CARMIL1: variants seen among roughly 807,000 people sequenced by gnomAD.
CARMIL1 encodes F-actin-uncapping protein LRRC16A.
In CARMIL1, 90 loss-of-function variants were observed where a neutral mutation model predicts 177.1. The ratio of observed to expected loss-of-function variants is 0.51; its 90% CI spans 0.43 to 0.61. The LOEUF (loss-of-function observed/expected upper bound fraction) is 0.61. Among genes scored for constraint, CARMIL1 ranks in the 20% least tolerant of loss-of-function variants. CARMIL1 has a pLI of 0.00. For synonymous variants in CARMIL1, 577 were observed against 606.2 expected (o/e 0.95, Z 0.71); for missense variants, 1,380 against 1,667.0 (o/e 0.83, Z 3.00).
intron 29 of CARMIL1, among the ~76,000 whole-genome samples, chr6:25,559,046 TTGA>T (rs1349647013): frequency 2.0e-5 from 3 of 152,154 alleles, no homozygotes; most frequent in African/African-American, 7.2e-5. Context: ...TTTTATACTA[TTGA>T]TAATAATTTC....
At chr6:25,425,622 C>T (rs574736658) in intron 3 of CARMIL1, among the ~76,000 whole-genome samples, 106 of 151,888 alleles carry the variant, frequency 7.0e-4, no homozygotes, top group African/African-American at 2.5e-3. Flanking sequence ...GGGGAAAATC[C>T]GGGAAGAAAG....
chr6:25,560,636 A>G (rs1283302644), intron 29 of CARMIL1, among the ~76,000 whole-genome samples: 1 of 152,178 alleles, frequency 6.6e-6, no homozygotes, highest in African/African-American at 2.4e-5. Context: ...TAAGTAACCC[A>G]AGGTTAACCA....
At chr6:25,356,420 C>A (rs1581670591) in intron 2 of CARMIL1, among the ~76,000 whole-genome samples, 4 of 152,262 alleles carry the variant, frequency 2.6e-5, no homozygotes, top group Admixed American at 2.6e-4. Flanking sequence ...ACAGTCCTTA[C>A]CATTTCATTA....
At chr6:25,440,316 C>G (rs1206760222) in intron 5 of CARMIL1, among the ~76,000 whole-genome samples, 3 of 152,144 alleles carry the variant, frequency 2.0e-5, no homozygotes, top group African/African-American at 4.8e-5. Flanking sequence ...GGAGAAAATT[C>G]AGAGGAGAGA....
intron 29 of CARMIL1, among the ~76,000 whole-genome samples, chr6:25,560,885 T>C (rs1194665072): frequency 6.6e-6 from 1 of 152,222 alleles, no homozygotes; most frequent in East Asian, 1.9e-4. Flanking sequence ...TTTTTAAACA[T>C]TGTTGGAAAC....
chr6:25,328,660 G>T (rs1052093231), intron 2 of CARMIL1, among the ~76,000 whole-genome samples: 1 of 152,066 alleles, frequency 6.6e-6, no homozygotes, highest in Non-Finnish European at 1.5e-5. Flanking sequence ...TTCTCTTCCA[G>T]AGTTATCTTC....
At position 25,619,741 on chromosome 6, in the gene CARMIL1, T is replaced by C. The variant is rs1759589972; in HGVS notation, c.*158T>C. On this transcript the variant is annotated 3_prime_UTR_variant, in exon 37 of 37. Transcript: ENST00000329474. ...CCACCCCCATCCCCTGCCTTTTTTT[T>C]TTTTTTTTTTTTTTTTTTTTGTATA... 3.2e-6 allele frequency: 1 copy of C among 314,480 alleles called. No homozygotes were observed. Among genetic ancestry groups the C allele is most frequent in the Non-Finnish European group, 5.3e-6 (1 of 189,456 alleles). 19.5% of individuals were successfully genotyped at this position (314,480 alleles called of 1,614,324 possible).
chr6:25,506,913 G>A (rs1804969148), intron 17 of CARMIL1, among the ~76,000 whole-genome samples: 1 of 152,084 alleles, frequency 6.6e-6, no homozygotes, highest in Non-Finnish European at 1.5e-5. Context: ...CCCCATTATG[G>A]ATATTTGAGT....
Position 25,426,484 on chromosome 6 carries a change from T to C in CARMIL1, c.190-17T>C, listed in dbSNP as rs1796289461. On this transcript the variant is annotated splice_polypyrimidine_tract_variant and intron_variant, in intron 3 of 36. Transcript: ENST00000329474. ...TCATTGCAGGTCTTTTCTTTCCTCC[T>C]TTCCCCTCAATTGCAGCTCGAGTTA... 1 of 1,608,060 alleles carries C rather than the reference T, an allele frequency of 6.2e-7. No homozygotes were observed. Among genetic ancestry groups the C allele is most frequent in the African/African-American group, 1.3e-5 (1 of 74,674 alleles).
At chr6:25,562,711 GA>G (rs1811238495) in intron 29 of CARMIL1, among the ~76,000 whole-genome samples, 1 of 152,102 alleles carries the variant, frequency 6.6e-6, no homozygotes, top group African/African-American at 2.4e-5. Flanking sequence ...TCACCTCCCA[GA>G]GCCCTAAAGC....
At chr6:25,441,815 C>G (rs1797807289) in intron 5 of CARMIL1, among the ~76,000 whole-genome samples, 1 of 152,066 alleles carries the variant, frequency 6.6e-6, no homozygotes, top group Admixed American at 6.5e-5. Context: ...TGGCAGTTCT[C>G]TTCAGGAAGT....
intron 2 of CARMIL1, among the ~76,000 whole-genome samples, chr6:25,358,606 T>G (rs2150384350): frequency 6.6e-6 from 1 of 152,284 alleles, no homozygotes; most frequent in South Asian, 2.1e-4. Flanking sequence ...TATAAAGTGG[T>G]CATTATGAAC....
At chr6:25,426,452 A>T (rs538381081) in intron 3 of CARMIL1, 49 bp from the exon 4 acceptor site, 5 of 1,410,588 alleles carry the variant, frequency 3.5e-6, no homozygotes, top group Admixed American at 2.0e-5. Context: ...ATGTTTTTTT[A>T]AAACCCTCAT....
rs183681874 is a variant in CARMIL1 at position 25,505,151 on chromosome 6, A to C, written c.1396-4505A>C. Among the ~76,000 whole-genome samples, 434 of 152,288 alleles carry C rather than the reference A, an allele frequency of 2.8e-3. 3 individuals are homozygous for C. The highest frequency in any genetic ancestry group is 9.7e-3 in the African/African-American group (405 of 41,550). ...AGCTATTTTACATCTTTCAAGAAGGATTACTCTCATCAGTTTATGGTGAGA... is the reference window on the plus strand; with the variant it reads ...AGCTATTTTACATCTTTCAAGAAGGCTTACTCTCATCAGTTTATGGTGAGA... On this transcript the variant is annotated intron_variant, in intron 17 of 36. Transcript: ENST00000329474.
intron 17 of CARMIL1, among the ~76,000 whole-genome samples, chr6:25,507,915 TAAAC>T (rs1425673697): frequency 1.1e-4 from 17 of 152,300 alleles, no homozygotes; most frequent in Middle Eastern, 6.8e-3. Flanking sequence ...CTGTAGTAAA[TAAAC>T]TATTTTTATG....
Position 25,606,247 on chromosome 6 carries a change from A to G in CARMIL1, c.3821A>G (p.Gln1274Arg). 6.2e-7 allele frequency: 1 copy of G among 1,613,796 alleles called. No homozygotes were observed. Among genetic ancestry groups the G allele is most frequent in the South Asian group, 1.1e-5 (1 of 91,042 alleles). ...CTGGCAGCACGGCCCGTCATCCCGC[A>G]GAAACCAAGAACCGCCTCACGGCCT... ...PSLAARPVIP[Q>R]KPRTASRPDD... is the part of the protein sequence containing the mutation. The change falls in exon 35 of 37, where the codon CAG (glutamine) becomes CGG (arginine). Residue 1274 changes from glutamine to arginine, a missense_variant. Transcript: ENST00000329474.
intron 2 of CARMIL1, among the ~76,000 whole-genome samples, chr6:25,358,050 T>G (rs1456335299): frequency 6.6e-6 from 1 of 152,220 alleles, no homozygotes; most frequent in Non-Finnish European, 1.5e-5. Flanking sequence ...ACCACAGAAG[T>G]ACCTCACACG....
At chr6:25,440,862 C>T (rs72831270) in intron 5 of CARMIL1, among the ~76,000 whole-genome samples, 13,854 of 151,870 alleles carry the variant, frequency 0.091, 674 homozygotes, top group South Asian at 0.1. Flanking sequence ...GTCCTCATCT[C>T]CTTCCTTGCT....
intron 29 of CARMIL1, chr6:25,563,707 A>T (rs1464390535): frequency 1.0e-6 from 1 of 985,258 alleles, no homozygotes; most frequent in Non-Finnish European, 1.2e-6. Flanking sequence ...CTAGGAATGG[A>T]AGGTGAAAGA....
Sources: gnomAD v4.1 joint callset for allele counts (sites outside exome capture counted in the v4.1 genomes callset) on GRCh38, gnomAD v4.1.1 for gene constraint, MANE v1.5 for transcripts, NCBI Gene and HGNC (gene_info 2026-07-23, HGNC 2026-07-21) for gene names.